Variants in TLN2 observed in about 807,000 individuals in gnomAD.
TLN2 encodes the protein talin 2.
Under a neutral mutation model 294.7 loss-of-function variants are expected in TLN2, and 118 were observed. The observed-to-expected ratio is 0.40, with a 90% CI of 0.34 to 0.47. TLN2 has a LOEUF of 0.47. Ranked by LOEUF, TLN2 falls within the 20% of genes least tolerant of loss-of-function variation. TLN2 has a pLI of 0.84. For synonymous variants in TLN2, 1,431 were observed against 1,304.5 expected (o/e 1.10, Z -2.09); for missense variants, 3,083 against 3,282.2 (o/e 0.94, Z 1.48).
intron 3 of TLN2, chr15:62,640,120 CTTCTGGGTGGCTGTG>C (rs2050845994): frequency 4.4e-6 from 2 of 454,190 alleles, no homozygotes; most frequent in South Asian, 3.1e-5. Context: ...ATTTGCAGCA[CTTCTGGGTGGCTGTG>C]ACCCAGTGCA....
In TLN2 at chr15:62,752,443, C is replaced by CG; in HGVS notation, c.4332+17dup. 1 of 1,613,460 alleles carries CG rather than the reference C, an allele frequency of 6.2e-7. No individual in the cohort carries two copies. Among genetic ancestry groups the CG allele is most frequent in the Non-Finnish European group, 8.5e-7 (1 of 1,179,708 alleles). Reference sequence around the variant, plus strand: ...TGCAGCCCAGGTAAGGGGCTAGTCCCGATGCAGCCATGTGCCCTGTGCCAG... The same window carrying CG: ...TGCAGCCCAGGTAAGGGGCTAGTCCCGGATGCAGCCATGTGCCCTGTGCCAG... On this transcript the variant is annotated intron_variant, in intron 35 of 58. Transcript: ENST00000636159.
At chr15:62,456,154 TG>T (rs1392863439) in intron 1 of TLN2, among the ~76,000 whole-genome samples, 2 of 152,068 alleles carry the variant, frequency 1.3e-5, no homozygotes, top group African/African-American at 2.4e-5. Flanking sequence ...GAGTACCTGC[TG>T]CTTCTCCAGC....
At chr15:62,561,910 C>T (rs1228148815) in intron 1 of TLN2, among the ~76,000 whole-genome samples, 1 of 152,160 alleles carries the variant, frequency 6.6e-6, no homozygotes, top group African/African-American at 2.4e-5. Flanking sequence ...AGCTCCCTGT[C>T]CTTTTCCTTC....
chr15:62,521,867 C>T (rs1054568772), intron 1 of TLN2, among the ~76,000 whole-genome samples: 1 of 152,154 alleles, frequency 6.6e-6, no homozygotes, highest in Non-Finnish European at 1.5e-5. Context: ...ATTTCCATTT[C>T]CTCAGTGTCT....
At chr15:62,440,210 C>T (rs530380585) in intron 1 of TLN2, among the ~76,000 whole-genome samples, 51 of 152,272 alleles carry the variant, frequency 3.3e-4, no homozygotes, top group African/African-American at 9.9e-4. Flanking sequence ...GGGCCTCTCA[C>T]GAACTTGATT....
rs779273306 is a variant in TLN2, at chr15:62,738,218, C to T, written c.3572C>T (p.Ala1191Val). The change falls in exon 30 of 59, where the codon GCT (alanine) becomes GTT (valine). Residue 1191 changes from alanine to valine, a missense_variant. Physicochemically the swap from Ala to Val is moderately conservative, Grantham distance 64. Transcript: ENST00000636159. Reference protein sequence around the residue: ...AERQQRLAQVAKAVSHSLNNC... With the variant: ...AERQQRLAQVVKAVSHSLNNC... ...TCTCTCTCTCCACGAATTCAGGTGG[C>T]TAAAGCCGTCTCACACTCCTTGAAT... The T allele has an allele frequency of 6.2e-7, 1 of 1,613,702 alleles. No homozygotes were observed. The highest frequency in any genetic ancestry group is 2.2e-5 in the East Asian group (1 of 44,864).
intron 28 of TLN2, chr15:62,733,900 G>C (rs1409288051): frequency 1.3e-5 from 2 of 152,220 alleles, no homozygotes; most frequent in African/African-American, 4.8e-5. Flanking sequence ...GGTGTTGTTT[G>C]CTTGGGGATC....
chr15:62,723,387 T>C lies in TLN2; in HGVS notation c.3126+900T>C, dbSNP rs139362109. Among the ~76,000 whole-genome samples the C allele has an allele frequency of 7.4e-3, 1,120 of 152,226 alleles. 6 individuals are homozygous for C. Among genetic ancestry groups the C allele is most frequent in the Non-Finnish European group, 0.012 (812 of 68,014 alleles). On this transcript the variant is annotated intron_variant, in intron 26 of 58. Coordinates refer to ENST00000636159, the MANE Select transcript of TLN2 (RefSeq NM_015059.3). ...TGAGAAACCAGATTAGAATTTCTGG[T>C]TGTAGAGCCTGAACATCTGCATTTT... is the stretch of plus-strand genomic sequence containing the variant.
chr15:62,410,499 T>C (rs1232674767), intron 1 of TLN2, among the ~76,000 whole-genome samples: 1 of 152,238 alleles, frequency 6.6e-6, no homozygotes, highest in Non-Finnish European at 1.5e-5. Context: ...ACTTTAGCCA[T>C]GCTTTTTGTG....
intron 32 of TLN2, among the ~76,000 whole-genome samples, chr15:62,743,906 C>A (rs1351212996): frequency 6.6e-6 from 1 of 152,188 alleles, no homozygotes; most frequent in Non-Finnish European, 1.5e-5. Context: ...CAAGGTAGCA[C>A]CTGCCCCCCT....
intron 1 of TLN2, among the ~76,000 whole-genome samples, chr15:62,581,361 T>C (rs2045007908): frequency 6.6e-6 from 1 of 152,186 alleles, no homozygotes. Context: ...TAGTATTCTA[T>C]TGTGTACATG....
At chr15:62,647,896 TAAAAA>T (rs201905073) in intron 4 of TLN2, among the ~76,000 whole-genome samples, 2 of 150,982 alleles carry the variant, frequency 1.3e-5, no homozygotes, top group Admixed American at 6.6e-5. Context: ...TCTCAAACCT[TAAAAA>T]AAAAGACATT....
intron 55 of TLN2, chr15:62,834,811 T>C (rs1424691716): frequency 1.3e-5 from 2 of 152,154 alleles, no homozygotes; most frequent in Admixed American, 6.5e-5. Flanking sequence ...AAAATCCTGG[T>C]TATTTCAACA....
intron 1 of TLN2, among the ~76,000 whole-genome samples, chr15:62,524,279 C>G (rs2040616865): frequency 6.6e-6 from 1 of 152,144 alleles, no homozygotes. Flanking sequence ...AAATCATCAG[C>G]TTTCACAAAG....
At chr15:62,566,767 G>A (rs1461718984) in intron 1 of TLN2, among the ~76,000 whole-genome samples, 4 of 151,934 alleles carry the variant, frequency 2.6e-5, no homozygotes, top group African/African-American at 9.7e-5. Context: ...GTGTTGCCCG[G>A]GCTGGTCTCA....
Position 62,719,786 on chromosome 15 carries a change from C to T in TLN2, c.2897C>T (p.Pro966Leu). Reference sequence around the variant, plus strand: ...CTGCAGGCAGTGGCTGATCACATCCCTCAGCTGGTCCAGGGAGTGAGGGGG... The same window carrying T: ...CTGCAGGCAGTGGCTGATCACATCCTTCAGCTGGTCCAGGGAGTGAGGGGG... Reference protein sequence around the residue: ...QSCKAVADHIPQLVQGVRGSQ... With the variant: ...QSCKAVADHILQLVQGVRGSQ... Residue 966 changes from proline to leucine, a missense_variant, in exon 25 of 59, where the codon CCT (proline) becomes CTT (leucine). Physicochemically the swap from Pro to Leu is moderately conservative, Grantham distance 98. Transcript: ENST00000636159. The T allele has an allele frequency of 6.2e-7, 1 of 1,608,956 alleles. No individual in the cohort carries two copies. Among genetic ancestry groups the T allele is most frequent in the East Asian group, 2.2e-5 (1 of 44,672 alleles).
chr15:62,478,860 T>G (rs538608266), intron 1 of TLN2, among the ~76,000 whole-genome samples: 2 of 152,360 alleles, frequency 1.3e-5, no homozygotes, highest in East Asian at 3.9e-4. Flanking sequence ...TTTGGCTTCA[T>G]GTATATGCTT....
chr15:62,422,630 C>T (rs1239778223), intron 1 of TLN2, among the ~76,000 whole-genome samples: 5 of 152,090 alleles, frequency 3.3e-5, no homozygotes, highest in African/African-American at 1.2e-4. Flanking sequence ...AGAGTGTCTA[C>T]CCTTGGTCCT....
chr15:62,611,624 A>G (rs550897132), intron 2 of TLN2, among the ~76,000 whole-genome samples: 2 of 152,112 alleles, frequency 1.3e-5, no homozygotes, highest in East Asian at 1.9e-4. Flanking sequence ...AGAATCTCCT[A>G]TCCTTCCTTC....
Sources: gnomAD v4.1 joint callset for allele counts (sites outside exome capture counted in the v4.1 genomes callset) on GRCh38, gnomAD v4.1.1 for gene constraint, MANE v1.5 for transcripts, NCBI Gene and HGNC (gene_info 2026-07-23, HGNC 2026-07-21) for gene names.